DPH6: variants seen among roughly 807,000 people sequenced by gnomAD.
DPH6 encodes the protein diphthine--ammonia ligase.
Under a neutral mutation model 38.2 loss-of-function variants are expected in DPH6, and 33 were observed. That is an observed-to-expected ratio of 0.86 (90% CI 0.65 to 1.15). DPH6 has a LOEUF of 1.15. Ranked by LOEUF, DPH6 falls within the 50% of genes most tolerant of loss-of-function variation. The pLI is 0.00. For missense variants in DPH6, 325 were observed against 320.0 expected (o/e 1.02, Z -0.12); for synonymous variants, 108 against 103.0 (o/e 1.05, Z -0.30).
chr15:35,231,784 G>A (rs1330990288), intron 3 of DPH6, among the ~76,000 whole-genome samples: 1 of 152,158 alleles, frequency 6.6e-6, no homozygotes, highest in Non-Finnish European at 1.5e-5. Flanking sequence ...TGGTGGCAGG[G>A]AAGAGGAGCC....
At chr15:35,520,547 A>T in intron 3 of DPH6, 4 of 984,630 alleles carry the variant, frequency 4.1e-6, no homozygotes, top group Non-Finnish European at 4.8e-6. Flanking sequence ...TTCAGTACAT[A>T]TATACAATAA....
intron 3 of DPH6, among the ~76,000 whole-genome samples, chr15:35,354,861 ATCTG>A (rs1370867212): frequency 2.0e-5 from 3 of 152,128 alleles, no homozygotes; most frequent in Admixed American, 6.5e-5. Flanking sequence ...TCTCTTGTTG[ATCTG>A]TCTAATATTG....
At chr15:35,276,993 C>T (rs370460477) in intron 3 of DPH6, among the ~76,000 whole-genome samples, 18 of 152,196 alleles carry the variant, frequency 1.2e-4, no homozygotes, top group African/African-American at 4.3e-4. Flanking sequence ...ATAGGGATTA[C>T]ACTGAATTTG....
At chr15:35,232,613 AAAC>A (rs374455362) in intron 3 of DPH6, among the ~76,000 whole-genome samples, 286 of 152,164 alleles carry the variant, frequency 1.9e-3, no homozygotes, top group Admixed American at 4.0e-3. Flanking sequence ...ACAAACAAAC[AAAC>A]AACAACAATA....
At chr15:35,518,445 TA>T (rs1461009916) in intron 3 of DPH6, among the ~76,000 whole-genome samples, 1 of 152,056 alleles carries the variant, frequency 6.6e-6, no homozygotes, top group Non-Finnish European at 1.5e-5. Context: ...GTATCCTAAG[TA>T]TTTTCAGATA....
At chr15:35,324,146 T>C (rs1566869837) in intron 3 of DPH6, among the ~76,000 whole-genome samples, 1 of 152,096 alleles carries the variant, frequency 6.6e-6, no homozygotes, top group Non-Finnish European at 1.5e-5. Flanking sequence ...AGGGTTGTTG[T>C]GAGGATAAAT....
chr15:35,539,602 C>G (rs1482886136), intron 2 of DPH6, among the ~76,000 whole-genome samples: 1 of 151,856 alleles, frequency 6.6e-6, no homozygotes, highest in African/African-American at 2.4e-5. Context: ...GTTCTAAAGA[C>G]ATATGGGAAA....
rs570897491 is a variant in DPH6 at position 35,270,020 on chromosome 15, C to T, written n.201-49438G>A. Among the ~76,000 whole-genome samples the T allele has an allele frequency of 6.5e-4, 81 of 124,590 alleles. No homozygotes were observed. The East Asian group carries it at 0.033, about 51-fold the overall frequency. The allele number at this position is 124,590 out of a possible 152,430, so 81.7% of individuals were successfully genotyped here. A position where few individuals can be genotyped will look rare whatever the true frequency, so the allele number is the denominator to read the frequency against. On this transcript the variant is annotated intron_variant and non_coding_transcript_variant, in intron 3 of 3. Coordinates refer to the DPH6 transcript ENST00000560386. ...TGTTAGCCAGGATGGTCTCGATCTC[C>T]GATCTCCTGACCTCGTGATCCGCCC...
chr15:35,370,042 G>C (rs1007151358), downstream of DPH6, among the ~76,000 whole-genome samples: 1 of 151,784 alleles, frequency 6.6e-6, no homozygotes, highest in Admixed American at 6.6e-5. Context: ...ACAGACTGGG[G>C]AGCCCAGAAA....
chr15:35,243,832 A>G (rs551649929), intron 3 of DPH6, among the ~76,000 whole-genome samples: 1 of 152,340 alleles, frequency 6.6e-6, no homozygotes, highest in South Asian at 2.1e-4. Flanking sequence ...ACGGACGCGC[A>G]TGAAAAATTC....
intron 3 of DPH6, among the ~76,000 whole-genome samples, chr15:35,496,104 G>A (rs1204855738): frequency 2.6e-5 from 4 of 152,124 alleles, no homozygotes; most frequent in Non-Finnish European, 5.9e-5. Flanking sequence ...GTACAGGAGA[G>A]TATCTTCATG....
chr15:35,532,956 A>C (rs533676783), intron 3 of DPH6, among the ~76,000 whole-genome samples: 1 of 152,126 alleles, frequency 6.6e-6, no homozygotes, highest in East Asian at 1.9e-4. Context: ...AGACAAAAAA[A>C]ATTAGCCAGG....
At chr15:35,215,966 T>G (rs551531595), downstream of DPH6, among the ~76,000 whole-genome samples, 111 of 152,350 alleles carry the variant, frequency 7.3e-4, 2 homozygotes, top group African/African-American at 2.6e-3. Flanking sequence ...GGCATCTTTC[T>G]TATCTTTGGC....
the DPH6 span, among the ~76,000 whole-genome samples, chr15:35,154,923 A>G: frequency 6.6e-6 from 1 of 152,220 alleles, no homozygotes; most frequent in Non-Finnish European, 1.5e-5. Context: ...ATAGCAAAAA[A>G]TATCTATTCA....
chr15:35,309,032 G>A (rs2052117444), intron 3 of DPH6, among the ~76,000 whole-genome samples: 1 of 152,138 alleles, frequency 6.6e-6, no homozygotes, highest in Non-Finnish European at 1.5e-5. Context: ...GAAGTCATAT[G>A]CACAAGCTCA....
chr15:35,398,305 G>A (rs1002856295), intron 6 of DPH6, among the ~76,000 whole-genome samples: 2 of 152,126 alleles, frequency 1.3e-5, no homozygotes, highest in African/African-American at 2.4e-5. Flanking sequence ...GATGGGCAAT[G>A]GTTGCCAGGG....
chr15:35,189,636 CT>C, the DPH6 span, among the ~76,000 whole-genome samples: 3 of 152,192 alleles, frequency 2.0e-5, no homozygotes, highest in African/African-American at 7.2e-5. Flanking sequence ...TTGAAGGCAC[CT>C]TTGTAATTGT....
At chr15:35,503,665 T>C (rs534550240) in intron 3 of DPH6, among the ~76,000 whole-genome samples, 30 of 152,250 alleles carry the variant, frequency 2.0e-4, no homozygotes, top group African/African-American at 7.2e-4. Flanking sequence ...TTCTAACCTG[T>C]ATCTTCAATA....
At chr15:35,446,372 A>C (rs2053853774) in intron 5 of DPH6, among the ~76,000 whole-genome samples, 1 of 151,602 alleles carries the variant, frequency 6.6e-6, no homozygotes, top group Non-Finnish European at 1.5e-5. Flanking sequence ...CTGGGATTAC[A>C]GGCACACACC....
Sources: allele counts gnomAD v4.1 joint callset (sites outside exome capture counted in the v4.1 genomes callset), GRCh38; gene constraint gnomAD v4.1.1; transcripts MANE v1.5; gene names NCBI Gene and HGNC (gene_info 2026-07-23, HGNC 2026-07-21).